SLC14A2: variants seen among roughly 807,000 people sequenced by gnomAD.
SLC14A2 encodes the protein urea transporter 2.
In SLC14A2, 91 loss-of-function variants were observed where a neutral mutation model predicts 104.6. The ratio of observed to expected loss-of-function variants is 0.87; its 90% CI spans 0.73 to 1.04. The LOEUF (loss-of-function observed/expected upper bound fraction) is 1.04, where lower values mean the gene tolerates loss of function less well. Ranked by LOEUF, SLC14A2 falls within the 50% of genes least tolerant of loss-of-function variation. SLC14A2 has a pLI of 0.00. For synonymous variants in SLC14A2, 476 were observed against 466.4 expected (o/e 1.02, Z -0.27); for missense variants, 1,189 against 1,156.0 (o/e 1.03, Z -0.41).
chr18:45,268,142 A>G (rs897788012), intron 1 of SLC14A2, among the ~76,000 whole-genome samples: 4 of 152,170 alleles, frequency 2.6e-5, no homozygotes, highest in African/African-American at 9.7e-5. Context: ...AAGGGAAAGC[A>G]TCATAAAATT....
chr18:45,415,028 C>A (rs935263573), intron 1 of SLC14A2, among the ~76,000 whole-genome samples: 3 of 151,646 alleles, frequency 2.0e-5, no homozygotes, highest in African/African-American at 7.3e-5. Context: ...TATCTTAAAC[C>A]AAAAAGGTTA....
the SLC14A2 span, among the ~76,000 whole-genome samples, chr18:45,180,416 G>T: frequency 6.6e-6 from 1 of 152,116 alleles, no homozygotes; most frequent in Admixed American, 6.6e-5. Flanking sequence ...ATTATAATAA[G>T]AAATGTGGAA....
chr18:45,334,039 A>G (rs2085314367), intron 1 of SLC14A2, among the ~76,000 whole-genome samples: 1 of 152,208 alleles, frequency 6.6e-6, no homozygotes, highest in African/African-American at 2.4e-5. Context: ...TTTAAGGTAA[A>G]GGGACTATTT....
At chr18:45,541,654 A>C (rs1598982620) in intron 2 of SLC14A2, among the ~76,000 whole-genome samples, 1 of 152,226 alleles carries the variant, frequency 6.6e-6, no homozygotes, top group Non-Finnish European at 1.5e-5. Flanking sequence ...TAAGAGCCAG[A>C]CCCAGCCCTG....
chr18:45,591,560 C>A (rs981151142), intron 2 of SLC14A2, among the ~76,000 whole-genome samples: 2 of 152,142 alleles, frequency 1.3e-5, no homozygotes, highest in African/African-American at 4.8e-5. Context: ...TGGTCTTGAA[C>A]TCCTGACCTC....
In SLC14A2 at chr18:45,314,381, C is replaced by T. The variant is rs118101766; in HGVS notation, c.-125+101190C>T. Among the ~76,000 whole-genome samples the T allele has an allele frequency of 1.3e-3, 204 of 152,296 alleles. 2 individuals are homozygous for T. The East Asian group carries it at 0.035, about 26-fold the overall frequency. On this transcript the variant is annotated intron_variant, in intron 1 of 20. Transcript: ENST00000586448. ...AAGATACAGAGATTGTGCCTGTCCT[C>T]AGGGAAGCCATAATCCTCATAAGTA...
chr18:45,526,968 T>C (rs1450908496), intron 2 of SLC14A2, among the ~76,000 whole-genome samples: 1 of 152,180 alleles, frequency 6.6e-6, no homozygotes, highest in African/African-American at 2.4e-5. Context: ...GGATGGATAA[T>C]AATGGAAGGC....
chr18:45,297,713 A>G lies in SLC14A2; in HGVS notation c.-125+84522A>G, dbSNP rs113351157. On this transcript the variant is annotated intron_variant, in intron 1 of 20. Coordinates refer to the SLC14A2 transcript ENST00000586448. Reference sequence around the variant, plus strand: ...CGCATGTTCTAAACTTTAAATTGTTAAACATGTTAGAGTCAGTTCCTGAAT... The same window carrying G: ...CGCATGTTCTAAACTTTAAATTGTTGAACATGTTAGAGTCAGTTCCTGAAT... Among the ~76,000 whole-genome samples, 8 of 152,310 alleles carry G rather than the reference A, an allele frequency of 5.3e-5. 1 individual carries two copies. Among genetic ancestry groups the G allele is most frequent in the African/African-American group, 1.7e-4 (7 of 41,568 alleles).
chr18:45,485,289 A>G (rs1465000290), intron 2 of SLC14A2: 1 of 152,208 alleles, frequency 6.6e-6, no homozygotes, highest in Non-Finnish European at 1.5e-5. Flanking sequence ...ATGGCATCTT[A>G]CCAAAATAAA....
intron 18 of SLC14A2, among the ~76,000 whole-genome samples, chr18:45,674,082 G>GGGTGATTTACGTCTTCTA (rs1035278348): frequency 6.6e-6 from 1 of 152,104 alleles, no homozygotes; most frequent in African/African-American, 2.4e-5. Flanking sequence ...ATATGGAATT[G>GGGTGATTTACGTCTTCTA]GGTGATTTAC....
intron 2 of SLC14A2, among the ~76,000 whole-genome samples, chr18:45,577,430 G>A (rs1212540334): frequency 6.6e-6 from 1 of 152,098 alleles, no homozygotes; most frequent in Non-Finnish European, 1.5e-5. Context: ...CAAGAGAATT[G>A]GACTTCACCT....
chr18:45,230,057 G>A (rs1001592876), intron 1 of SLC14A2, among the ~76,000 whole-genome samples: 1 of 152,120 alleles, frequency 6.6e-6, no homozygotes, highest in Non-Finnish European at 1.5e-5. Context: ...TCTGACATAT[G>A]GTAAACACTA....
the SLC14A2 span, among the ~76,000 whole-genome samples, chr18:45,174,728 G>T: frequency 2.6e-5 from 4 of 152,090 alleles, no homozygotes; most frequent in African/African-American, 7.2e-5. Context: ...ATTAAAAATT[G>T]GGCAGGGTAG....
chr18:45,475,641 GGATATATATATATAT>G (rs1568227830), intron 1 of SLC14A2, among the ~76,000 whole-genome samples: 315 of 11,644 alleles, frequency 0.027, 2 homozygotes, highest in African/African-American at 0.062. Flanking sequence ...TATATATTTA[GGATATATATATATAT>G]ATATATATAT....
intron 1 of SLC14A2, among the ~76,000 whole-genome samples, chr18:45,360,735 G>C (rs1462154): frequency 0.45 from 68,320 of 151,830 alleles, 18,019 homozygotes; most frequent in African/African-American, 0.74. Context: ...AGGCGCTCAT[G>C]ATCCTTATCT....
chr18:45,270,500 C>T (rs1034192232), intron 1 of SLC14A2, among the ~76,000 whole-genome samples: 3 of 152,018 alleles, frequency 2.0e-5, no homozygotes, highest in Admixed American at 2.0e-4. Context: ...GGTTCTAAAA[C>T]TTTATTTTAT....
chr18:45,201,940 A>G, the SLC14A2 span, among the ~76,000 whole-genome samples: 1 of 152,196 alleles, frequency 6.6e-6, no homozygotes, highest in Non-Finnish European at 1.5e-5. Flanking sequence ...CTTAATTGGC[A>G]ATTCAGACCA....
In SLC14A2 at chr18:45,682,773, T is replaced by G; in HGVS notation, c.*254T>G. 1 of 435,346 alleles carries G rather than the reference T, an allele frequency of 2.3e-6. No homozygotes were observed. The highest frequency in any genetic ancestry group is 4.3e-6 in the Non-Finnish European group (1 of 233,644). The allele number at this position is 435,346 out of a possible 1,614,324, so 27.0% of individuals were successfully genotyped here. ...AGCTCCCTTTGTGGGGAACTTGCCC[T>G]CTTCTGCGAAATAAGCCTCATCCTT... On this transcript the variant is annotated 3_prime_UTR_variant, in exon 20 of 20. Transcript: ENST00000255226.
At chr18:45,194,661 T>TTA in the SLC14A2 span, among the ~76,000 whole-genome samples, 2 of 149,148 alleles carry the variant, frequency 1.3e-5, no homozygotes, top group East Asian at 3.9e-4. Context: ...TTTTTTTTTT[T>TTA]TTGAGACGGT....
Sources: gnomAD v4.1 joint callset for allele counts (sites outside exome capture counted in the v4.1 genomes callset) on GRCh38, gnomAD v4.1.1 for gene constraint, MANE v1.5 for transcripts, NCBI Gene and HGNC (gene_info 2026-07-23, HGNC 2026-07-21) for gene names.